The following LGSN variants were observed in gnomAD, a reference collection of about 807,000 sequenced individuals.
LGSN encodes the protein lengsin.
A neutral mutation model predicts 19.5 loss-of-function variants in LGSN; 21 were observed. The ratio of observed to expected loss-of-function variants is 1.07; its 90% CI spans 0.76 to 1.55. The LOEUF (loss-of-function observed/expected upper bound fraction) is 1.55, where lower values mean the gene tolerates loss of function less well. Among genes scored for constraint, LGSN ranks in the 40% most tolerant of loss-of-function variants. The pLI, the probability that LGSN is intolerant of heterozygous loss-of-function variation, is 0.00. For missense variants in LGSN, 673 were observed against 608.5 expected, an observed-to-expected ratio of 1.11 and a Z score of -1.12; for synonymous variants, 257 against 215.6, an observed-to-expected ratio of 1.19 and a Z score of -1.68.
the LGSN span, among the ~76,000 whole-genome samples, chr6:63,526,833 A>ATATATATATATATT: frequency 1.0e-4 from 13 of 128,030 alleles, no homozygotes; most frequent in South Asian, 4.6e-4. Context: ...ATATATATAT[A>ATATATATATATATT]TATTTATTTA....
At chr6:63,418,547 G>T in the LGSN span, among the ~76,000 whole-genome samples, 1 of 152,174 alleles carries the variant, frequency 6.6e-6, no homozygotes, top group East Asian at 1.9e-4. Context: ...GCGACAGAGC[G>T]AGACTCCGTC....
chr6:63,554,793 A>T, the LGSN span, among the ~76,000 whole-genome samples: 1 of 152,158 alleles, frequency 6.6e-6, no homozygotes, highest in Non-Finnish European at 1.5e-5. Context: ...TCTCAAAAAA[A>T]TGGAACAATT....
the LGSN span, among the ~76,000 whole-genome samples, chr6:63,510,660 ATTTTT>A: frequency 7.7e-4 from 86 of 111,988 alleles, no homozygotes; most frequent in Middle Eastern, 0.012. Flanking sequence ...CAAGAAGCGA[ATTTTT>A]TTTTTTTTTT....
At chr6:63,442,106 G>A in the LGSN span, among the ~76,000 whole-genome samples, 4 of 152,120 alleles carry the variant, frequency 2.6e-5, no homozygotes, top group African/African-American at 7.2e-5. Context: ...TAAAGACAGC[G>A]CATCTGGAGT....
At chr6:63,380,130 G>T in the LGSN span, among the ~76,000 whole-genome samples, 6 of 152,214 alleles carry the variant, frequency 3.9e-5, no homozygotes, top group Admixed American at 1.3e-4. Context: ...GAGCCACCAC[G>T]CCCGGCCTCA....
chr6:63,435,208 G>C, the LGSN span, among the ~76,000 whole-genome samples: 1 of 152,144 alleles, frequency 6.6e-6, no homozygotes, highest in Admixed American at 6.6e-5. Context: ...GGCCAGCCAA[G>C]ATTAGACAAC....
the LGSN span, among the ~76,000 whole-genome samples, chr6:63,565,060 G>T: frequency 2.0e-5 from 3 of 152,104 alleles, no homozygotes; most frequent in Non-Finnish European, 4.4e-5. Context: ...GCCCCAGATG[G>T]AGTGCAGTGG....
the LGSN span, among the ~76,000 whole-genome samples, chr6:63,371,566 G>C: frequency 6.6e-6 from 1 of 152,188 alleles, no homozygotes; most frequent in African/African-American, 2.4e-5. Flanking sequence ...TACCTCTGGA[G>C]AACTCCTAAG....
At chr6:63,501,248 G>A in the LGSN span, among the ~76,000 whole-genome samples, 1 of 151,896 alleles carries the variant, frequency 6.6e-6, no homozygotes, top group African/African-American at 2.4e-5. Flanking sequence ...TGTAGTCCCA[G>A]CTACTGGGGA....
chr6:63,412,935 A>G, the LGSN span, among the ~76,000 whole-genome samples: 21 of 151,766 alleles, frequency 1.4e-4, no homozygotes, highest in East Asian at 3.9e-4. Flanking sequence ...AGGAAGGAAG[A>G]AAGGAAGAGA....
At chr6:63,550,456 C>G in the LGSN span, 1 of 152,094 alleles carries the variant, frequency 6.6e-6, no homozygotes, top group Non-Finnish European at 1.5e-5. Context: ...GTTCTTCAGA[C>G]GACTCTACCT....
chr6:63,529,766 G>A, the LGSN span, among the ~76,000 whole-genome samples: 605 of 152,212 alleles, frequency 4.0e-3, 10 homozygotes, highest in South Asian at 0.044. Context: ...ATGAGGTTCC[G>A]TTTTTCTGAG....
chr6:63,410,792 C>T, the LGSN span, among the ~76,000 whole-genome samples: 2 of 152,130 alleles, frequency 1.3e-5, no homozygotes, highest in Non-Finnish European at 2.9e-5. Context: ...GGTGTTGAAA[C>T]AATTTTGGTG....
chr6:63,485,605 G>A, the LGSN span, among the ~76,000 whole-genome samples: 1 of 152,134 alleles, frequency 6.6e-6, no homozygotes, highest in Non-Finnish European at 1.5e-5. Flanking sequence ...TTGATGAATA[G>A]CCTCACTGCC....
chr6:63,353,604 A>AG, the LGSN span, among the ~76,000 whole-genome samples: 19 of 151,384 alleles, frequency 1.3e-4, no homozygotes, highest in South Asian at 2.1e-4. Context: ...AAAAAAAAAA[A>AG]AAAGAAAAAA....
upstream of LGSN, among the ~76,000 whole-genome samples, chr6:63,323,557 T>TACACAC (rs1405899851): frequency 2.5e-4 from 24 of 96,250 alleles, no homozygotes; most frequent in East Asian, 1.4e-3. Flanking sequence ...CAAAACCTCA[T>TACACAC]ATACACACAC....
At position 63,284,139 on chromosome 6, in the gene LGSN, TA is replaced by T. The variant is rs544913651; in HGVS notation, c.330+1447del. Reference sequence around the variant, plus strand: ...CAAAAATAAATTTAAAGTGGCTTCTTAAAAAAATATAGATACTCTATGATCA... The same window carrying T: ...CAAAAATAAATTTAAAGTGGCTTCTTAAAAAATATAGATACTCTATGATCA... On this transcript the variant is annotated intron_variant, in intron 3 of 3. Transcript: ENST00000370657. Among the ~76,000 whole-genome samples, 13 of 152,266 alleles carry T rather than the reference TA, an allele frequency of 8.5e-5. No homozygotes were observed. In the South Asian group the frequency reaches 2.5e-3, roughly 29 times the overall value.
the LGSN span, among the ~76,000 whole-genome samples, chr6:63,500,912 G>A: frequency 6.6e-6 from 1 of 151,762 alleles, no homozygotes; most frequent in Admixed American, 6.6e-5. Flanking sequence ...ATTTTTAGTA[G>A]AGAAGGGATT....
chr6:63,385,308 A>C, the LGSN span, among the ~76,000 whole-genome samples: 1 of 152,214 alleles, frequency 6.6e-6, no homozygotes, highest in African/African-American at 2.4e-5. Context: ...AGTATGGCAG[A>C]TCTACCAAAA....
Sources: allele counts gnomAD v4.1 joint callset (sites outside exome capture counted in the v4.1 genomes callset), GRCh38; gene constraint gnomAD v4.1.1; transcripts MANE v1.5; gene names NCBI Gene and HGNC (gene_info 2026-07-23, HGNC 2026-07-21).